The following MYH7B variants were observed in gnomAD, a reference collection of about 807,000 sequenced individuals.
MYH7B encodes myosin-7B.
Under a neutral mutation model 234.5 loss-of-function variants are expected in MYH7B, and 205 were observed. The ratio of observed to expected loss-of-function variants is 0.87; its 90% confidence interval spans 0.78 to 0.98. The LOEUF (loss-of-function observed/expected upper bound fraction) is 0.98. MYH7B is among the 50% of genes least tolerant of loss of function. The pLI, the probability that MYH7B is intolerant of heterozygous loss-of-function variation, is 0.00. For synonymous variants in MYH7B, 1,193 were observed against 1,105.0 expected, an observed-to-expected ratio of 1.08 and a Z score of -1.58; for missense variants, 2,652 against 2,633.4, an observed-to-expected ratio of 1.01 and a Z score of -0.15.
At chr20:34,980,261 T>C (rs2081922236) in intron 7 of MYH7B, 2 of 339,890 alleles carry the variant, frequency 5.9e-6, no homozygotes, top group Non-Finnish European at 1.1e-5. Context: ...AAACCCTACC[T>C]ATGGGGGGAG....
chr20:34,985,546 C>A (rs1429020097), intron 13 of MYH7B, among the ~76,000 whole-genome samples: 2 of 148,606 alleles, frequency 1.3e-5, no homozygotes, highest in Admixed American at 1.4e-4. Flanking sequence ...CGTAGAGTGC[C>A]CCATCCTTCC....
intron 19 of MYH7B, among the ~76,000 whole-genome samples, chr20:34,989,500 G>A (rs2082099172): frequency 6.6e-6 from 1 of 152,224 alleles, no homozygotes; most frequent in African/African-American, 2.4e-5. Context: ...ATTGTTAGAA[G>A]TGAAGATGAC....
At chr20:34,978,912 A>G (rs931604377) in intron 5 of MYH7B, among the ~76,000 whole-genome samples, 3 of 152,114 alleles carry the variant, frequency 2.0e-5, no homozygotes, top group African/African-American at 4.8e-5. Context: ...TGGGCTCCTC[A>G]AAGCTCTGGG....
chr20:34,983,066 T>G (rs955505057), intron 10 of MYH7B, among the ~76,000 whole-genome samples: 8 of 152,176 alleles, frequency 5.3e-5, no homozygotes, highest in African/African-American at 1.9e-4. Flanking sequence ...TTTTTTGTTT[T>G]TGTTTTTAAG....
At chr20:34,999,261 CAGG>C (rs759632443) in exon 36 of MYH7B, 16 of 1,600,874 alleles carry the variant, frequency 1.0e-5, no homozygotes, top group Admixed American at 7.0e-5. Flanking sequence ...ACGGCGGCGG[CAGG>C]AGGAGGAGAT....
chr20:34,974,880 C>T (rs548841595), intron 2 of MYH7B, among the ~76,000 whole-genome samples: 3 of 152,320 alleles, frequency 2.0e-5, no homozygotes, highest in South Asian at 4.1e-4. Context: ...AGACCAAGCT[C>T]CTGCCCTTGT....
chr20:34,973,854 T>C (rs1317055684), intron 2 of MYH7B, among the ~76,000 whole-genome samples: 1 of 151,970 alleles, frequency 6.6e-6, no homozygotes, highest in Admixed American at 6.6e-5. Context: ...AGCTCTCAGG[T>C]TCAAGTGATC....
At position 34,987,932 on chromosome 20, in the gene MYH7B, C is replaced by T; in HGVS notation, c.1416+18C>T. On this transcript the variant is annotated intron_variant, in intron 18 of 44. Coordinates refer to ENST00000262873, the Ensembl canonical transcript of MYH7B. ...TCTTTGAGGTGAGGACAGGCCCTCACCTTGGCCTCTGTTCTCTCCAAGGTA... is the reference window on the plus strand; with the variant it reads ...TCTTTGAGGTGAGGACAGGCCCTCATCTTGGCCTCTGTTCTCTCCAAGGTA... 1 of 1,575,578 alleles carries T rather than the reference C, an allele frequency of 6.3e-7. No individual in the cohort carries two copies. Among genetic ancestry groups the T allele is most frequent in the Non-Finnish European group, 8.6e-7 (1 of 1,158,800 alleles).
At chr20:34,981,036 G>T (rs770508327) in exon 9 of MYH7B, 2 of 1,614,056 alleles carry the variant, frequency 1.2e-6, no homozygotes, top group South Asian at 1.1e-5. Flanking sequence ...CCTCCAGACC[G>T]AGACAACCAG....
At chr20:34,988,027 C>G (rs569958822) in intron 18 of MYH7B, 65 bp from the exon 19 acceptor site, 1 of 1,577,340 alleles carries the variant, frequency 6.3e-7, no homozygotes, top group East Asian at 2.2e-5. Context: ...AACTCATGCC[C>G]CTCCCCGGGC....
exon 39 of MYH7B, chr20:35,000,383 G>A (rs749510753): frequency 1.9e-6 from 3 of 1,599,560 alleles, no homozygotes; most frequent in African/African-American, 2.7e-5. Flanking sequence ...TCAAGAAGAA[G>A]ATGGAGGGTG....
chr20:34,993,365 T>G, exon 26 of MYH7B: 2 of 1,613,978 alleles, frequency 1.2e-6, no homozygotes, highest in Non-Finnish European at 1.7e-6. Context: ...CTAGGCGTCC[T>G]GGAAGAGCTC....
chr20:34,998,903 T>C (rs1443507480), exon 35 of MYH7B: 1 of 1,612,344 alleles, frequency 6.2e-7, no homozygotes, highest in East Asian at 2.2e-5. Flanking sequence ...ACCGAGGAGC[T>C]GGAGGAGGCC....
At chr20:34,985,995 C>G (rs951930880) in intron 13 of MYH7B, 105 bp from the exon 14 acceptor site, 2 of 937,914 alleles carry the variant, frequency 2.1e-6, no homozygotes, top group African/African-American at 3.3e-5. Context: ...CAGATGCAGC[C>G]CCCCTGCACA....
At chr20:34,991,189 A>C in intron 24 of MYH7B, 68 bp downstream of exon 24, 7 of 1,104,932 alleles carry the variant, frequency 6.3e-6, no homozygotes, top group Non-Finnish European at 7.9e-6. Context: ...GGACACACAT[A>C]TCAGAGCCCA....
Position 34,986,990 on chromosome 20 carries a change from G to T in MYH7B, c.1008+1G>T, listed in dbSNP as rs200920118. On this transcript the variant is annotated splice_donor_variant, in intron 15 of 44. Transcript: ENST00000262873. LOFTEE classifies it high-confidence loss of function. ...TGGGGAGGAGCTCATCGCCACCGAC[G>T]TATGAGCTCTGGTGGGAGGGGAGCT... The T allele has an allele frequency of 3.1e-6, 5 of 1,612,946 alleles. No individual in the cohort carries two copies. The South Asian group carries it at 4.4e-5, about 14-fold the overall frequency.
At chr20:34,996,982 A>C in intron 30 of MYH7B, 101 bp from the exon 31 acceptor site, 1 of 1,310,978 alleles carries the variant, frequency 7.6e-7, no homozygotes, top group East Asian at 2.6e-5. Context: ...GCATGGGGTG[A>C]GGTCCCTCAG....
chr20:34,960,879 A>C (rs1261229217), intron 2 of MYH7B, among the ~76,000 whole-genome samples: 1 of 152,202 alleles, frequency 6.6e-6, no homozygotes. Context: ...ACACCCCCAC[A>C]GTCATCCTGG....
rs1600479532 is a variant in MYH7B, at chr20:35,000,786, C to T, written c.5197C>T (p.Gln1733Ter). The change falls in exon 40 of 45, where the codon CAG (glutamine) becomes TAG (stop). Residue 1733 changes from glutamine to a stop codon, truncating the protein, a stop_gained. Coordinates refer to ENST00000262873, the Ensembl canonical transcript of MYH7B. LOFTEE classifies it high-confidence loss of function. ...CCCTCAGAACACAGGCCTCCTAAACCAGAAGAAGAAGCTGGAGGCGGACTT... is the reference window on the plus strand; with the variant it reads ...CCCTCAGAACACAGGCCTCCTAAACTAGAAGAAGAAGCTGGAGGCGGACTT... 1 of 1,613,606 alleles carries T rather than the reference C, an allele frequency of 6.2e-7. No homozygotes were observed. Among genetic ancestry groups the T allele is most frequent in the Non-Finnish European group, 8.5e-7 (1 of 1,179,784 alleles).
Sources: allele counts gnomAD v4.1 joint callset (sites outside exome capture counted in the v4.1 genomes callset), GRCh38; gene constraint gnomAD v4.1.1; transcripts MANE v1.5; gene names NCBI Gene and HGNC (gene_info 2026-07-23, HGNC 2026-07-21).